Variants in SCP2 observed in about 807,000 individuals in gnomAD.
SCP2 encodes the protein sterol carrier protein 2.
A neutral mutation model predicts 71.4 loss-of-function variants in SCP2; 48 were observed. The ratio of observed to expected loss-of-function variants is 0.67; its 90% CI spans 0.53 to 0.86. SCP2 has a LOEUF of 0.86. Ranked by LOEUF, SCP2 falls within the 40% of genes least tolerant of loss-of-function variation. The probability of loss-of-function intolerance (pLI) is 0.00; values close to 1 mark genes in which losing one functional copy is unlikely to be tolerated. For synonymous variants in SCP2, 220 were observed against 218.1 expected (o/e 1.01, Z -0.08); for missense variants, 560 against 655.6 (o/e 0.85, Z 1.59).
intron 13 of SCP2, among the ~76,000 whole-genome samples, chr1:53,037,904 A>ACACACC (rs1553155265): frequency 3.9e-5 from 5 of 127,312 alleles, no homozygotes; most frequent in African/African-American, 1.3e-4. Flanking sequence ...ACACACACAC[A>ACACACC]CACACACACA....
chr1:52,994,255 T>A (rs1178269062), intron 11 of SCP2: 1 of 1,004,212 alleles, frequency 1.0e-6, no homozygotes, highest in African/African-American at 1.7e-5. Context: ...TATGCTGTAG[T>A]TTGTGTGTAA....
Position 52,995,807 on chromosome 1 carries a change from G to A in SCP2, c.1081+7671G>A. 5.6e-6 allele frequency: 5 copies of A among 899,554 alleles called. No homozygotes were observed. In the South Asian group the frequency reaches 7.0e-5, roughly 13 times the overall value. The allele number at this position is 899,554 out of a possible 1,614,324, so 55.7% of individuals were successfully genotyped here. A position where few individuals can be genotyped will look rare whatever the true frequency, so the allele number is the denominator to read the frequency against. ...GGTCACCTTAATCGGCAGCAGCACG[G>A]CCATCCAGGAGCTCTTCAGGTGCAT... is the stretch of plus-strand genomic sequence containing the variant. On this transcript the variant is annotated intron_variant, in intron 11 of 15. Transcript: ENST00000371514.
intron 11 of SCP2, among the ~76,000 whole-genome samples, chr1:53,010,143 G>C (rs1412315011): frequency 1.3e-5 from 2 of 152,196 alleles, no homozygotes; most frequent in Non-Finnish European, 1.5e-5. Context: ...TGCTGGAGAG[G>C]ATGTGGAGAA....
intron 11 of SCP2, chr1:52,995,535 A>C: frequency 2.2e-6 from 1 of 444,634 alleles, no homozygotes; most frequent in Non-Finnish European, 4.4e-6. Flanking sequence ...CCCTCTCACC[A>C]GCTGTGGAAG....
chr1:53,001,459 T>C (rs1007042802), intron 11 of SCP2, among the ~76,000 whole-genome samples: 1 of 152,234 alleles, frequency 6.6e-6, no homozygotes, highest in Admixed American at 6.5e-5. Context: ...ATACAAACTC[T>C]ACCTTTGTTA....
At chr1:52,965,326 A>T (rs1444140698) in intron 6 of SCP2, among the ~76,000 whole-genome samples, 2 of 152,134 alleles carry the variant, frequency 1.3e-5, no homozygotes, top group African/African-American at 4.8e-5. Flanking sequence ...AGCTCCATAA[A>T]AAATCTTATT....
At chr1:53,019,666 C>A (rs146371100) in intron 12 of SCP2, among the ~76,000 whole-genome samples, 2 of 152,246 alleles carry the variant, frequency 1.3e-5, no homozygotes, top group Non-Finnish European at 2.9e-5. Flanking sequence ...TACTTCTAGG[C>A]CTTTTCAGCA....
rs781120204 is a variant in SCP2, at chr1:52,936,739, G to A, written c.70-5057G>A. ...AATGTCTTTGGATGCGTATTTGGGT[G>A]ATAAAAGTATGAAATATTCCAAGAG... On this transcript the variant is annotated intron_variant, in intron 1 of 15. Transcript: ENST00000371514. Among the ~76,000 whole-genome samples, 6 of 152,292 alleles carry A rather than the reference G, an allele frequency of 3.9e-5. No homozygotes were observed. In the East Asian group the frequency reaches 7.7e-4, roughly 20 times the overall value.
intron 6 of SCP2, among the ~76,000 whole-genome samples, 177 bp downstream of exon 6, chr1:52,961,806 T>C (rs1483410769): frequency 6.6e-6 from 1 of 151,956 alleles, no homozygotes; most frequent in Non-Finnish European, 1.5e-5. Flanking sequence ...AAAGTATTTA[T>C]ATATAGACTA....
intron 14 of SCP2, among the ~76,000 whole-genome samples, chr1:53,045,537 T>C (rs1663742414): frequency 6.6e-6 from 1 of 152,194 alleles, no homozygotes; most frequent in South Asian, 2.1e-4. Flanking sequence ...ATTTCCATCG[T>C]ACTTACTTCT....
chr1:52,960,480 ATGTGTGTGTGTGTGTGTG>A (rs71044447), intron 5 of SCP2, among the ~76,000 whole-genome samples: 18 of 139,532 alleles, frequency 1.3e-4, no homozygotes, highest in African/African-American at 4.1e-4. Context: ...TACTATGTAT[ATGTGTGTGTGTGTGTGTG>A]TGTGTGTGTG....
chr1:53,003,294 T>C (rs2150212303), intron 11 of SCP2, among the ~76,000 whole-genome samples: 1 of 152,326 alleles, frequency 6.6e-6, no homozygotes, highest in East Asian at 1.9e-4. Flanking sequence ...TCATGGCTCA[T>C]TGTAGCCTCG....
At chr1:53,004,575 C>T (rs534042853) in intron 11 of SCP2, among the ~76,000 whole-genome samples, 1 of 152,336 alleles carries the variant, frequency 6.6e-6, no homozygotes, top group African/African-American at 2.4e-5. Context: ...TACATCCTCC[C>T]CACCCTTGCG....
chr1:52,946,812 C>A (rs1322045987), intron 2 of SCP2, among the ~76,000 whole-genome samples: 1 of 150,288 alleles, frequency 6.7e-6, no homozygotes, highest in African/African-American at 2.4e-5. Context: ...ATTCCAGCAC[C>A]TTGGGAGGCC....
At chr1:52,964,962 G>T (rs1656815535) in intron 6 of SCP2, among the ~76,000 whole-genome samples, 1 of 152,168 alleles carries the variant, frequency 6.6e-6, no homozygotes, top group Admixed American at 6.6e-5. Context: ...TGTGAGCCGA[G>T]ATCGCGCCAC....
intron 12 of SCP2, among the ~76,000 whole-genome samples, chr1:53,015,439 C>T (rs1426528962): frequency 1.3e-5 from 2 of 152,166 alleles, no homozygotes; most frequent in Non-Finnish European, 2.9e-5. Context: ...AATAAGCCCT[C>T]GTTGATGCTA....
At chr1:52,955,969 G>T (rs1463360263) in intron 5 of SCP2, among the ~76,000 whole-genome samples, 1 of 149,732 alleles carries the variant, frequency 6.7e-6, no homozygotes, top group Non-Finnish European at 1.5e-5. Context: ...AACATTATTG[G>T]CATGAAAAAA....
chr1:53,043,721 A>G (rs796128877), intron 14 of SCP2, among the ~76,000 whole-genome samples: 10 of 152,322 alleles, frequency 6.6e-5, no homozygotes, highest in African/African-American at 2.4e-4. Context: ...AGCAGATTTT[A>G]CTTCCTGAAG....
At chr1:52,977,078 T>C (rs1054474497) in intron 8 of SCP2, among the ~76,000 whole-genome samples, 1 of 152,256 alleles carries the variant, frequency 6.6e-6, no homozygotes, top group Non-Finnish European at 1.5e-5. Context: ...CAAAGCATTT[T>C]GTTTTCCCTG....
Sources: gnomAD v4.1 joint callset for allele counts (sites outside exome capture counted in the v4.1 genomes callset) on GRCh38, gnomAD v4.1.1 for gene constraint, MANE v1.5 for transcripts, NCBI Gene and HGNC (gene_info 2026-07-23, HGNC 2026-07-21) for gene names.